The following SHB variants were observed in gnomAD, a reference collection of about 807,000 sequenced individuals.
The protein encoded by SHB is SH2 domain-containing adapter protein B.
A neutral mutation model predicts 52.3 loss-of-function variants in SHB; 20 were observed. The observed-to-expected ratio is 0.38, with a 90% CI of 0.27 to 0.56. The LOEUF (loss-of-function observed/expected upper bound fraction) is 0.56. SHB is among the 20% of genes least tolerant of loss of function. SHB has a pLI of 0.71. For synonymous variants in SHB, 397 were observed against 316.5 expected (o/e 1.25, Z -2.70); for missense variants, 825 against 723.3 (o/e 1.14, Z -1.61).
chr9:37,922,026 T>C (rs1193298836), intron 5 of SHB, among the ~76,000 whole-genome samples: 1 of 152,018 alleles, frequency 6.6e-6, no homozygotes, highest in African/African-American at 2.4e-5. Context: ...GGGAGGAGGG[T>C]ATGACCCTGG....
In SHB at chr9:37,919,196, C is replaced by T. The variant is rs1415824548; in HGVS notation, c.*625G>A. On this transcript the variant is annotated 3_prime_UTR_variant, in exon 6 of 6. Transcript: ENST00000377707. Reference sequence around the variant, plus strand: ...AATAATTGAATCCTCTTTTTGACTGCACAATGATTCCTTGAAGATAGCCTA... The same window carrying T: ...AATAATTGAATCCTCTTTTTGACTGTACAATGATTCCTTGAAGATAGCCTA... 2.0e-5 allele frequency: 3 copies of T among 152,656 alleles called. No homozygotes were observed. Among genetic ancestry groups the T allele is most frequent in the Non-Finnish European group, 4.4e-5 (3 of 68,086 alleles). The allele number at this position is 152,656 out of a possible 1,614,324, so 9.5% of individuals were successfully genotyped here.
intron 1 of SHB, among the ~76,000 whole-genome samples, chr9:38,044,111 C>A (rs956264624): frequency 3.9e-5 from 6 of 152,194 alleles, no homozygotes; most frequent in African/African-American, 1.4e-4. Context: ...GGCCAACTGG[C>A]TTCAAGGCAG....
At chr9:37,976,036 T>C (rs1363520068) in intron 2 of SHB, among the ~76,000 whole-genome samples, 1 of 151,208 alleles carries the variant, frequency 6.6e-6, no homozygotes, top group Non-Finnish European at 1.5e-5. Context: ...AGCACTTTTT[T>C]ATTTTATTTT....
chr9:37,971,338 G>C (rs1241500361), intron 3 of SHB, among the ~76,000 whole-genome samples: 2 of 152,194 alleles, frequency 1.3e-5, no homozygotes, highest in African/African-American at 4.8e-5. Flanking sequence ...CAACACATCA[G>C]CAATCTAACC....
At chr9:38,054,266 C>T (rs996196901) in intron 1 of SHB, among the ~76,000 whole-genome samples, 5 of 152,210 alleles carry the variant, frequency 3.3e-5, no homozygotes, top group African/African-American at 1.2e-4. Flanking sequence ...AGCTAGCCCC[C>T]ACAAGGGGCC....
chr9:37,950,647 G>A (rs879907998), intron 4 of SHB, among the ~76,000 whole-genome samples: 1 of 152,108 alleles, frequency 6.6e-6, no homozygotes, highest in Non-Finnish European at 1.5e-5. Flanking sequence ...ATGCTGCTCC[G>A]AATGGTGGCT....
intron 1 of SHB, among the ~76,000 whole-genome samples, chr9:38,036,352 G>C (rs1177884438): frequency 3.3e-5 from 5 of 152,178 alleles, no homozygotes; most frequent in Non-Finnish European, 5.9e-5. Context: ...CATCTGGGAG[G>C]AACAAAAGTT....
chr9:38,024,766 GACTATGGATAGAAAATCC>G (rs1821320669), intron 1 of SHB, among the ~76,000 whole-genome samples: 1 of 152,172 alleles, frequency 6.6e-6, no homozygotes, highest in African/African-American at 2.4e-5. Context: ...TTCAGCCAGG[GACTATGGATAGAAAATCC>G]AGCACATCCC....
chr9:37,919,746 T>C lies in SHB; in HGVS notation c.*75A>G, dbSNP rs2281784. 0.026 allele frequency: 29,881 copies of C among 1,169,146 alleles called. 760 individuals are homozygous for C. The highest frequency in any genetic ancestry group is 0.11 in the East Asian group (4,848 of 42,670). The allele number at this position is 1,169,146 out of a possible 1,614,324, so 72.4% of individuals were successfully genotyped here. ...AAACGACACAGCCAGCAACAGTGGCTGGGCTGGTTGGTGGGGGGCCTCTGG... is the reference window on the plus strand; with the variant it reads ...AAACGACACAGCCAGCAACAGTGGCCGGGCTGGTTGGTGGGGGGCCTCTGG... On this transcript the variant is annotated 3_prime_UTR_variant, in exon 6 of 6. Coordinates refer to ENST00000377707, the MANE Select transcript of SHB (RefSeq NM_003028.3).
In SHB at chr9:38,017,133, C is replaced by G. The variant is rs138688718; in HGVS notation, c.718-1002G>C. On this transcript the variant is annotated intron_variant, in intron 1 of 5. Transcript: ENST00000377707. ...CCTTTAGGAGAGGCACAGAACCCACCGAATCCACGCCCCTCCTGCTTAGCC... is the reference window on the plus strand; with the variant it reads ...CCTTTAGGAGAGGCACAGAACCCACGGAATCCACGCCCCTCCTGCTTAGCC... 4.9e-3 allele frequency among the ~76,000 whole-genome samples: 739 copies of G among 152,306 alleles called. 15 individuals carry two copies. The highest frequency in any genetic ancestry group is 0.04 in the Admixed American group (605 of 15,286).
At chr9:38,033,050 A>C (rs1019592411) in intron 1 of SHB, among the ~76,000 whole-genome samples, 1 of 152,206 alleles carries the variant, frequency 6.6e-6, no homozygotes, top group Non-Finnish European at 1.5e-5. Flanking sequence ...AAGAAAATGG[A>C]ATTTTATGGT....
chr9:37,943,959 T>C (rs761821008), intron 5 of SHB, among the ~76,000 whole-genome samples: 4 of 152,218 alleles, frequency 2.6e-5, no homozygotes, highest in Non-Finnish European at 4.4e-5. Context: ...ACTGCCAGCC[T>C]TTCCAGAGAC....
intron 2 of SHB, among the ~76,000 whole-genome samples, chr9:37,982,828 T>C (rs1196218603): frequency 1.3e-5 from 2 of 152,060 alleles, no homozygotes; most frequent in Admixed American, 6.6e-5. Flanking sequence ...AAGCATCTAA[T>C]GAAATGATAC....
intron 1 of SHB, among the ~76,000 whole-genome samples, chr9:38,028,619 C>T (rs982121298): frequency 1.3e-5 from 2 of 152,224 alleles, no homozygotes; most frequent in South Asian, 2.1e-4. Context: ...CACCTCTAAC[C>T]CGGCAAGGCC....
At chr9:38,017,721 G>A (rs1351476959) in intron 1 of SHB, among the ~76,000 whole-genome samples, 2 of 152,380 alleles carry the variant, frequency 1.3e-5, no homozygotes, top group South Asian at 2.1e-4. Context: ...CTGAGTCCCA[G>A]TGGGGACCCA....
At chr9:37,939,692 A>T (rs1463439322) in intron 5 of SHB, among the ~76,000 whole-genome samples, 3 of 152,182 alleles carry the variant, frequency 2.0e-5, no homozygotes, top group South Asian at 2.1e-4. Context: ...CTAGGGAGGA[A>T]TGGGGGTGTT....
intron 5 of SHB, among the ~76,000 whole-genome samples, chr9:37,929,709 G>A (rs1002519556): frequency 6.6e-6 from 1 of 152,228 alleles, no homozygotes; most frequent in African/African-American, 2.4e-5. Flanking sequence ...CGGATGACAC[G>A]GGGCAAGGCG....
intron 5 of SHB, among the ~76,000 whole-genome samples, chr9:37,929,996 G>T (rs1423179688): frequency 1.3e-5 from 2 of 152,272 alleles, no homozygotes; most frequent in Admixed American, 6.5e-5. Flanking sequence ...CGGCTACTTG[G>T]GAGGCTGAGG....
chr9:37,957,815 C>T (rs1477173465), intron 3 of SHB, among the ~76,000 whole-genome samples: 1 of 152,124 alleles, frequency 6.6e-6, no homozygotes, highest in Non-Finnish European at 1.5e-5. Flanking sequence ...GCAGGAAAGC[C>T]CTCTCCAAAG....
Sources: allele counts gnomAD v4.1 joint callset (sites outside exome capture counted in the v4.1 genomes callset), GRCh38; gene constraint gnomAD v4.1.1; transcripts MANE v1.5; gene names NCBI Gene and HGNC (gene_info 2026-07-23, HGNC 2026-07-21).